The following IGSF9B variants were observed in gnomAD, a reference collection of about 807,000 sequenced individuals.
IGSF9B encodes immunoglobulin superfamily member 9B, also known as protein turtle homolog B.
In IGSF9B, 48 loss-of-function variants were observed where a neutral mutation model predicts 143.7. That is an observed-to-expected ratio of 0.33 (90% confidence interval 0.26 to 0.42). The LOEUF (loss-of-function observed/expected upper bound fraction) is 0.42. Among genes scored for constraint, IGSF9B ranks in the 20% least tolerant of loss-of-function variants. The pLI is 1.00. For missense variants in IGSF9B, 1,706 were observed against 1,980.0 expected, an observed-to-expected ratio of 0.86 and a Z score of 2.63; for synonymous variants, 903 against 833.1, an observed-to-expected ratio of 1.08 and a Z score of -1.44.
At position 133,935,601 on chromosome 11, in the gene IGSF9B, C is replaced by T. The variant is rs1235613721; in HGVS notation, c.967+16G>A. On this transcript the variant is annotated intron_variant, in intron 7 of 19. Transcript: ENST00000533871. ...TGGGAGCCCCACCACCCAGGCTCCC[C>T]TGCACCCCTACTCACACTGCACGGT... The T allele has an allele frequency of 6.2e-7, 1 of 1,605,330 alleles. No homozygotes were observed. The highest frequency in any genetic ancestry group is 1.3e-5 in the African/African-American group (1 of 74,794).
rs1939222163 is a variant in IGSF9B, at chr11:133,907,182, TG to T, written c.*1886del. 6.6e-6 allele frequency among the ~76,000 whole-genome samples: 1 copy of T among 152,126 alleles called. No individual in the cohort carries two copies. Among genetic ancestry groups the T allele is most frequent in the African/African-American group, 2.4e-5 (1 of 41,420 alleles). ...AGATGTGTTCAGAAAGGAACTGCGG[TG>T]GTGTTACTTGCACGGTAAACCTCAA... On this transcript the variant is annotated 3_prime_UTR_variant, in exon 20 of 20. Transcript: ENST00000533871.
chr11:133,936,729 G>A (rs1939830819), intron 5 of IGSF9B, among the ~76,000 whole-genome samples: 1 of 152,044 alleles, frequency 6.6e-6, no homozygotes. Context: ...GCACTCAGAG[G>A]CAGGAGGAGC....
At chr11:133,917,182 G>A (rs549051062) in intron 18 of IGSF9B, among the ~76,000 whole-genome samples, 2 of 152,318 alleles carry the variant, frequency 1.3e-5, no homozygotes, top group African/African-American at 2.4e-5. Flanking sequence ...TCCCATGCAG[G>A]TGCCCGATGC....
At chr11:133,936,322 G>A in intron 5 of IGSF9B, 128 bp from the exon 6 acceptor site, 1 of 792,104 alleles carries the variant, frequency 1.3e-6, no homozygotes, top group South Asian at 1.7e-5. Context: ...GGCTGTCATG[G>A]AGACACTTCC....
At position 133,898,738 on chromosome 11, in the gene IGSF9B, C is replaced by G. The variant is rs1939064721; in HGVS notation, c.*10331G>C. On this transcript the variant is annotated 3_prime_UTR_variant, in exon 20 of 20. Transcript: ENST00000533871. Reference sequence around the variant, plus strand: ...CTTTCTAACACCTCAGTCTAAAGTTCCAGAATCAAGACCATCCCATCAAGT... The same window carrying G: ...CTTTCTAACACCTCAGTCTAAAGTTGCAGAATCAAGACCATCCCATCAAGT... 6.5e-6 allele frequency: 1 copy of G among 152,672 alleles called. No homozygotes were observed. The highest frequency in any genetic ancestry group is 1.5e-5 in the Non-Finnish European group (1 of 68,142). The allele number at this position is 152,672 out of a possible 1,614,324, so 9.5% of individuals were successfully genotyped here.
Position 133,903,752 on chromosome 11 carries a change from A to G in IGSF9B, c.*5317T>C, listed in dbSNP as rs1200081611. Among the ~76,000 whole-genome samples the G allele has an allele frequency of 1.3e-5, 2 of 152,174 alleles. No individual in the cohort carries two copies. The highest frequency in any genetic ancestry group is 2.9e-5 in the Non-Finnish European group (2 of 68,038). On this transcript the variant is annotated 3_prime_UTR_variant, in exon 20 of 20. Coordinates refer to ENST00000533871, the MANE Select transcript of IGSF9B (RefSeq NM_001277285.4). Reference sequence around the variant, plus strand: ...GGGTTATTATACTTGCTCCTGAAAGAAGGTTTTGAGAGTACAGACAGGAAC... The same window carrying G: ...GGGTTATTATACTTGCTCCTGAAAGGAGGTTTTGAGAGTACAGACAGGAAC...
chr11:133,902,044 A>C lies in IGSF9B; in HGVS notation c.*7025T>G, dbSNP rs1011075135. Reference sequence around the variant, plus strand: ...ACACACCATACCACACACCACACCCACACACAATACACACATACCACACAC... The same window carrying C: ...ACACACCATACCACACACCACACCCCCACACAATACACACATACCACACAC... On this transcript the variant is annotated 3_prime_UTR_variant, in exon 20 of 20. Coordinates refer to ENST00000533871, the MANE Select transcript of IGSF9B (RefSeq NM_001277285.4). 2.7e-5 allele frequency among the ~76,000 whole-genome samples: 4 copies of C among 148,866 alleles called. No individual in the cohort carries two copies. Among genetic ancestry groups the C allele is most frequent in the African/African-American group, 7.5e-5 (3 of 40,162 alleles).
In IGSF9B at chr11:133,937,906, A is replaced by G. The variant is rs1309384022; in HGVS notation, c.465T>C (p.Gly155=). The G allele has an allele frequency of 4.3e-6, 7 of 1,612,560 alleles. No individual in the cohort carries two copies. The South Asian group carries it at 7.7e-5, about 18-fold the overall frequency. The change falls in exon 4 of 20, where the codon GGT becomes GGC. Residue 155 remains glycine (G), a synonymous_variant. Coordinates refer to ENST00000533871, the MANE Select transcript of IGSF9B (RefSeq NM_001277285.4). ...AAGCTGTGCAGGTCATGGTGATACT[A>G]CCACCCTCCTTGGCCTCGATGTACT... is the stretch of plus-strand genomic sequence containing the variant. ...PPQYIEAKEG[G]SITMTCTAFG... is the part of the protein sequence containing the mutation.
chr11:133,930,488 C>G (rs904193851), intron 11 of IGSF9B, among the ~76,000 whole-genome samples: 31 of 152,146 alleles, frequency 2.0e-4, no homozygotes, highest in African/African-American at 6.8e-4. Context: ...AGGGCCCAGG[C>G]GAAGGTCCTG....
At chr11:133,938,862 T>C (rs1939872761) in intron 3 of IGSF9B, among the ~76,000 whole-genome samples, 1 of 152,198 alleles carries the variant, frequency 6.6e-6, no homozygotes, top group South Asian at 2.1e-4. Flanking sequence ...TCAGCCTCTC[T>C]GGGTCTTACC....
rs1255475615 is a variant in IGSF9B, at chr11:133,919,897, G to A, written c.3828C>T (p.Thr1276=). ...GGGAAGGGTAGCCGGTGGCCAGAGT[G>A]GTGAAGCCCATGGCGGGCCGGTAGC... ...SPSYRPAMGF[T]TLATGYPSPP... is the part of the protein sequence containing the mutation. The change falls in exon 18 of 20, where the codon ACC becomes ACT. Residue 1276 remains threonine, a synonymous_variant. Transcript: ENST00000533871. The A allele has an allele frequency of 5.7e-6, 9 of 1,581,810 alleles. No homozygotes were observed. The highest frequency in any genetic ancestry group is 1.4e-5 in the African/African-American group (1 of 73,736).
chr11:133,927,083 C>A lies in IGSF9B; in HGVS notation c.1640G>T (p.Arg547Leu). 6.4e-7 allele frequency: 1 copy of A among 1,553,370 alleles called. No homozygotes were observed. The highest frequency in any genetic ancestry group is 8.7e-7 in the Non-Finnish European group (1 of 1,147,114). Residue 547 changes from arginine (R) to leucine (L), a missense_variant, in exon 13 of 20, where the codon CGG (arginine) becomes CTG (leucine). Physicochemically the swap from Arg to Leu is moderately radical, Grantham distance 102 (BLOSUM62 -2). This residue lies in a region of IGSF9B where 267 missense variants were observed against 321.1 expected (regional missense o/e 0.83). Coordinates refer to ENST00000533871, the MANE Select transcript of IGSF9B (RefSeq NM_001277285.4). ...YEQTFSVWMK[R>L]AQFGPHDWLS... ...CCAGTCATGGGGCCCAAACTGTGCC[C>A]GCTTCATCCTGGCCAAAAGAGAGAG...
chr11:133,916,575 G>T (rs1195669351), intron 18 of IGSF9B, among the ~76,000 whole-genome samples: 1 of 152,176 alleles, frequency 6.6e-6, no homozygotes, highest in African/African-American at 2.4e-5. Flanking sequence ...GGGGATGCTG[G>T]CCAGGCCCGG....
rs1939267960 is a variant in IGSF9B at position 133,909,542 on chromosome 11, C to A, written c.4106-265G>T. On this transcript the variant is annotated intron_variant, in intron 19 of 19. Coordinates refer to ENST00000533871, the MANE Select transcript of IGSF9B (RefSeq NM_001277285.4). This position sits in a 1 kb window ranked among gnomAD's most constrained non-coding sequence, Gnocchi z 4.2. ...AGAGGATTTTCCTTCTCATTCATTT[C>A]TTTCTCGATCAGTCTACAAATATTT... 6.6e-6 allele frequency among the ~76,000 whole-genome samples: 1 copy of A among 152,188 alleles called. No homozygotes were observed. The highest frequency in any genetic ancestry group is 2.4e-5 in the African/African-American group (1 of 41,446).
In IGSF9B at chr11:133,948,089, GTC is replaced by G. The variant is rs1336850860; in HGVS notation, c.65-1833_65-1832del. Among the ~76,000 whole-genome samples the G allele has an allele frequency of 6.8e-6, 1 of 147,702 alleles. No homozygotes were observed. On this transcript the variant is annotated intron_variant, in intron 1 of 19. Coordinates refer to ENST00000533871, the MANE Select transcript of IGSF9B (RefSeq NM_001277285.4). This position sits in a 1 kb window ranked among gnomAD's most constrained non-coding sequence, Gnocchi z 4.7. ...TGTGTGTGTGTGTGTGTGTGTGTGT[GTC>G]TGTGTGTGTTTCGGTTGGCTCATGC...
intron 15 of IGSF9B, among the ~76,000 whole-genome samples, 166 bp from the exon 16 acceptor site, chr11:133,922,896 A>T (rs1354748952): frequency 6.6e-6 from 1 of 152,246 alleles, no homozygotes. Flanking sequence ...TGGCGTCACG[A>T]AGAGGAAGAA....
intron 3 of IGSF9B, among the ~76,000 whole-genome samples, chr11:133,939,376 T>G (rs1325231163): frequency 6.6e-6 from 1 of 152,272 alleles, no homozygotes; most frequent in Non-Finnish European, 1.5e-5. Context: ...TCTCTCTCTG[T>G]GTGTTTACCT....
Position 133,935,862 on chromosome 11 carries a change from C to T in IGSF9B, c.822-100G>A, listed in dbSNP as rs1939813252. On this transcript the variant is annotated intron_variant, in intron 6 of 19. Transcript: ENST00000533871. Reference sequence around the variant, plus strand: ...TGCCCCAGATGTGGCATGGAGAGCCCATGCCCCTGGCATCCCCAGGGCCCC... The same window carrying T: ...TGCCCCAGATGTGGCATGGAGAGCCTATGCCCCTGGCATCCCCAGGGCCCC... The T allele has an allele frequency of 4.7e-6, 7 of 1,488,880 alleles. No individual in the cohort carries two copies. The Admixed American group carries it at 1.4e-4, about 29-fold the overall frequency. The allele number at this position is 1,488,880 out of a possible 1,614,324, so 92.2% of individuals were successfully genotyped here.
Position 133,925,843 on chromosome 11 carries a change from T to C in IGSF9B, c.1930A>G (p.Ile644Val), listed in dbSNP as rs1939614470. The change falls in exon 14 of 20, where the codon ATC (isoleucine) becomes GTC (valine). Residue 644 changes from isoleucine to valine, a missense_variant. Physicochemically the swap from Ile to Val is conservative, Grantham distance 29. This residue lies in a region of IGSF9B where 267 missense variants were observed against 321.1 expected (regional missense o/e 0.83). Coordinates refer to ENST00000533871, the MANE Select transcript of IGSF9B (RefSeq NM_001277285.4). ...WLPPANHSFPIDRYIMEFRVA... is the reference protein window; with the variant it reads ...WLPPANHSFPVDRYIMEFRVA... ...CGGAACTCCATGATGTAGCGGTCGA[T>C]GGGAAAGCTGTGGTTGGCAGGCGGA... The C allele has an allele frequency of 1.9e-6, 3 of 1,613,756 alleles. No homozygotes were observed. Among genetic ancestry groups the C allele is most frequent in the Non-Finnish European group, 2.5e-6 (3 of 1,179,850 alleles).
Sources: allele counts gnomAD v4.1 joint callset (sites outside exome capture counted in the v4.1 genomes callset), GRCh38; gene constraint gnomAD v4.1.1; regional missense constraint gnomAD v4.1.1; non-coding constraint Gnocchi (gnomAD v3.1); transcripts MANE v1.5; gene names NCBI Gene and HGNC (gene_info 2026-07-23, HGNC 2026-07-21).